The following MTUS1 variants were observed in gnomAD, a reference collection of about 807,000 sequenced individuals.
The protein encoded by MTUS1 is microtubule associated scaffold protein 1.
MTUS1 carries 109 observed loss-of-function variants against 120.8 expected under a neutral mutation model. The observed-to-expected ratio is 0.90, with a 90% confidence interval of 0.77 to 1.06. The LOEUF (loss-of-function observed/expected upper bound fraction) is 1.06. Among genes scored for constraint, MTUS1 ranks in the 50% least tolerant of loss-of-function variants. MTUS1 has a pLI of 0.00. For missense variants in MTUS1, 2,210 were observed against 1,486.3 expected (o/e 1.49, Z -8.01); for synonymous variants, 737 against 550.5 (o/e 1.34, Z -4.74).
Position 17,777,553 on chromosome 8 carries a change from A to C in MTUS1, c.-154-21592T>G, listed in dbSNP as rs1283292776. Among the ~76,000 whole-genome samples the C allele has an allele frequency of 5.3e-5, 8 of 152,326 alleles. No homozygotes were observed. The East Asian group carries it at 1.5e-3, about 29-fold the overall frequency. ...CCACCTTCTCCACACACCCAAAAGC[A>C]GAGAAAGCAAATCTCTACAGAGACG... On this transcript the variant is annotated intron_variant, in intron 1 of 14. Coordinates refer to ENST00000693296, the MANE Select transcript of MTUS1 (RefSeq NM_001363059.2).
intron 13 of MTUS1, chr8:17,647,354 T>C (rs978642047): frequency 2.6e-5 from 8 of 310,180 alleles, no homozygotes; most frequent in Middle Eastern, 9.9e-4. Context: ...TTTGGAATTC[T>C]CTAAGAATTG....
intron 1 of MTUS1, chr8:17,800,497 AAC>A (rs1450251290): frequency 6.6e-6 from 1 of 152,250 alleles, no homozygotes; most frequent in Non-Finnish European, 1.5e-5. Context: ...AAAATCAACA[AAC>A]AACTTGGTAG....
chr8:17,778,084 T>C (rs385139), intron 1 of MTUS1, among the ~76,000 whole-genome samples: 96,417 of 152,038 alleles, frequency 0.63, 34,114 homozygotes, highest in Non-Finnish European at 0.81. Context: ...GTTATTAAAC[T>C]AGGAAGAAAA....
At chr8:17,765,051 G>T (rs1186546603) in intron 1 of MTUS1, among the ~76,000 whole-genome samples, 1 of 152,162 alleles carries the variant, frequency 6.6e-6, no homozygotes, top group Non-Finnish European at 1.5e-5. Context: ...TGGAAGTGAT[G>T]GGAGACAGTG....
chr8:17,754,995 G>A lies in MTUS1; in HGVS notation c.813C>T (p.Val271=). ...GNQCACSSGK[V]TSEYTDGSQQ... ...GTGATCCATCTGTGTACTCACTGGT[G>A]ACCTTTCCTGAAGAACATGCACACT... Residue 271 remains valine (V), a synonymous_variant, in exon 2 of 15, where the codon GTC becomes GTT. Coordinates refer to ENST00000693296, the MANE Select transcript of MTUS1 (RefSeq NM_001363059.2). 1.2e-6 allele frequency: 2 copies of A among 1,614,114 alleles called. No individual in the cohort carries two copies. Among genetic ancestry groups the A allele is most frequent in the East Asian group, 2.2e-5 (1 of 44,886 alleles).
At chr8:17,766,894 A>T (rs566923524) in intron 1 of MTUS1, among the ~76,000 whole-genome samples, 5 of 152,206 alleles carry the variant, frequency 3.3e-5, no homozygotes, top group Non-Finnish European at 7.3e-5. Context: ...CATATTTTAA[A>T]GTATGATAGT....
chr8:17,656,181 G>T (rs1337479814), intron 8 of MTUS1, 116 bp from the exon 9 acceptor site: 3 of 883,020 alleles, frequency 3.4e-6, no homozygotes, highest in East Asian at 2.6e-5. Flanking sequence ...ATGATGTCTT[G>T]GGTCTCTAGT....
intron 6 of MTUS1, among the ~76,000 whole-genome samples, chr8:17,695,402 T>A (rs1376831676): frequency 2.0e-5 from 3 of 152,238 alleles, no homozygotes; most frequent in Non-Finnish European, 4.4e-5. Context: ...AATTCACTTC[T>A]CTGGGCCTCA....
intron 1 of MTUS1, among the ~76,000 whole-genome samples, chr8:17,759,085 G>A (rs1403502267): frequency 6.6e-6 from 1 of 151,792 alleles, no homozygotes; most frequent in Non-Finnish European, 1.5e-5. Flanking sequence ...GTTCCACTGT[G>A]TTAGCCAGCA....
chr8:17,792,016 T>C lies in MTUS1; in HGVS notation c.-155+9045A>G, dbSNP rs1034861751. On this transcript the variant is annotated intron_variant, in intron 1 of 14. Transcript: ENST00000693296. ...TAATGAAATTTCACTCAAGGTCACA[T>C]GGCTAATAGGAAAATCTCAGACATG... Among the ~76,000 whole-genome samples, 3 of 152,164 alleles carry C rather than the reference T, an allele frequency of 2.0e-5. No individual in the cohort carries two copies. The East Asian group carries it at 5.8e-4, about 29-fold the overall frequency.
In MTUS1 at chr8:17,645,630, AAAAG is replaced by A. The variant is rs1805624355; in HGVS notation, c.*292_*295del. The A allele has an allele frequency of 3.9e-6, 1 of 259,476 alleles. No homozygotes were observed. Among genetic ancestry groups the A allele is most frequent in the African/African-American group, 2.2e-5 (1 of 45,010 alleles). 16.1% of individuals were successfully genotyped at this position (259,476 alleles called of 1,614,324 possible). A position where few individuals can be genotyped will look rare whatever the true frequency, so the allele number is the denominator to read the frequency against. On this transcript the variant is annotated 3_prime_UTR_variant, in exon 15 of 15. Coordinates refer to ENST00000693296, the MANE Select transcript of MTUS1 (RefSeq NM_001363059.2). ...AGTTTTTCCCCCTATGCTTAGGTGA[AAAAG>A]GCAATGAACAAGATGCTCTCGTTCT... is the stretch of plus-strand genomic sequence containing the variant.
intron 8 of MTUS1, among the ~76,000 whole-genome samples, chr8:17,663,231 T>C (rs983720906): frequency 2.0e-5 from 3 of 152,188 alleles, no homozygotes; most frequent in African/African-American, 4.8e-5. Context: ...GTGGAGCCAT[T>C]ACTTAATTAG....
intron 4 of MTUS1, among the ~76,000 whole-genome samples, chr8:17,719,905 A>G (rs1300280598): frequency 6.6e-6 from 1 of 152,220 alleles, no homozygotes; most frequent in African/African-American, 2.4e-5. Flanking sequence ...GCCCTGTCTT[A>G]TTGCAGTGAA....
chr8:17,723,564 T>G, intron 4 of MTUS1, 108 bp downstream of exon 4: 1 of 1,246,730 alleles, frequency 8.0e-7, no homozygotes, highest in Non-Finnish European at 1.2e-6. Flanking sequence ...AGTATGCCTA[T>G]TTTTCCTGAA....
rs938505134 is a variant in MTUS1 at position 17,645,233 on chromosome 8, C to G, written c.*693G>C. ...TGAAAAACTGCCAAGAAGTTACCCC[C>G]AAAAGATACAGAGAATGTATAGACA... On this transcript the variant is annotated 3_prime_UTR_variant, in exon 15 of 15. Coordinates refer to ENST00000693296, the MANE Select transcript of MTUS1 (RefSeq NM_001363059.2). 9.2e-5 allele frequency: 14 copies of G among 152,686 alleles called. No homozygotes were observed. The highest frequency in any genetic ancestry group is 1.8e-4 in the Non-Finnish European group (12 of 68,014). The allele number at this position is 152,686 out of a possible 1,614,324, so 9.5% of individuals were successfully genotyped here.
chr8:17,648,791 A>G (rs1243924337), intron 13 of MTUS1, among the ~76,000 whole-genome samples: 1 of 152,226 alleles, frequency 6.6e-6, no homozygotes, highest in Non-Finnish European at 1.5e-5. Flanking sequence ...AGGCACTTGT[A>G]GAAGCCTGAG....
intron 6 of MTUS1, among the ~76,000 whole-genome samples, chr8:17,703,615 C>G (rs1267642896): frequency 1.4e-5 from 2 of 142,548 alleles, no homozygotes; most frequent in Non-Finnish European, 3.0e-5. Flanking sequence ...GGTGACAGAG[C>G]CAGACTCTGT....
chr8:17,793,010 T>C (rs17125477), intron 1 of MTUS1, among the ~76,000 whole-genome samples: 3,218 of 152,294 alleles, frequency 0.021, 104 homozygotes, highest in African/African-American at 0.074. Flanking sequence ...ACAAATCTTA[T>C]TAGATGTAAT....
intron 6 of MTUS1, among the ~76,000 whole-genome samples, chr8:17,695,296 A>C (rs1370075847): frequency 6.6e-6 from 1 of 152,132 alleles, no homozygotes; most frequent in Non-Finnish European, 1.5e-5. Context: ...TTACAGCAAA[A>C]TTTGCAGCTG....
Sources: allele counts gnomAD v4.1 joint callset (sites outside exome capture counted in the v4.1 genomes callset), GRCh38; gene constraint gnomAD v4.1.1; transcripts MANE v1.5; gene names NCBI Gene and HGNC (gene_info 2026-07-23, HGNC 2026-07-21).